Variants in FSHR observed in about 807,000 individuals in gnomAD.
FSHR encodes follicle-stimulating hormone receptor.
FSHR carries 46 observed loss-of-function variants against 52.1 expected under a neutral mutation model. The observed-to-expected ratio is 0.88, with a 90% CI of 0.70 to 1.13. The LOEUF (loss-of-function observed/expected upper bound fraction) is 1.13, where lower values mean the gene tolerates loss of function less well. Among genes scored for constraint, FSHR ranks in the 50% most tolerant of loss-of-function variants. The pLI is 0.00. For missense variants in FSHR, 964 were observed against 834.6 expected, an observed-to-expected ratio of 1.16 and a Z score of -1.91; for synonymous variants, 399 against 309.6, an observed-to-expected ratio of 1.29 and a Z score of -3.03.
intron 8 of FSHR, among the ~76,000 whole-genome samples, chr2:48,973,516 A>G (rs1302379368): frequency 1.3e-5 from 2 of 152,238 alleles, no homozygotes; most frequent in African/African-American, 4.8e-5. Context: ...AACTCCACTG[A>G]GGTCTCCATA....
In FSHR at chr2:49,090,846, C is replaced by G. The variant is rs138896965; in HGVS notation, c.153-22556G>C. Among the ~76,000 whole-genome samples, 697 of 152,144 alleles carry G rather than the reference C, an allele frequency of 4.6e-3. 4 individuals are homozygous for G. Among genetic ancestry groups the G allele is most frequent in the African/African-American group, 0.015 (643 of 41,502 alleles). ...ATCACACTGTGGTTTTAATTAGTTA[C>G]GTAATGGCTACATTGTTTCCTTAGT... On this transcript the variant is annotated intron_variant, in intron 1 of 9. Transcript: ENST00000406846.
At chr2:49,097,376 A>T (rs1054015534) in intron 1 of FSHR, among the ~76,000 whole-genome samples, 1 of 152,098 alleles carries the variant, frequency 6.6e-6, no homozygotes, top group Non-Finnish European at 1.5e-5. Context: ...TGTCATGTTT[A>T]TTATTCTGTT....
At chr2:49,015,300 G>A (rs1177434167) in intron 4 of FSHR, among the ~76,000 whole-genome samples, 3 of 152,124 alleles carry the variant, frequency 2.0e-5, no homozygotes, top group Non-Finnish European at 4.4e-5. Flanking sequence ...CCCTTGCCAA[G>A]CATTTGTAGG....
intron 4 of FSHR, among the ~76,000 whole-genome samples, chr2:48,994,227 G>A (rs1437235131): frequency 6.6e-6 from 1 of 152,164 alleles, no homozygotes; most frequent in Non-Finnish European, 1.5e-5. Flanking sequence ...TATTTGGGTA[G>A]CAACTTCCCC....
chr2:49,087,093 T>TC (rs1670428998), intron 1 of FSHR, among the ~76,000 whole-genome samples: 1 of 148,066 alleles, frequency 6.8e-6, no homozygotes, highest in East Asian at 2.0e-4. Context: ...TTTTTTTTTT[T>TC]TTTTTACAAA....
chr2:49,073,046 A>G (rs1369520834), intron 1 of FSHR, among the ~76,000 whole-genome samples: 2 of 152,118 alleles, frequency 1.3e-5, no homozygotes, highest in Admixed American at 1.3e-4. Context: ...ATAAATTTTC[A>G]TTTTAGAAAT....
intron 1 of FSHR, among the ~76,000 whole-genome samples, chr2:49,129,640 T>C (rs979298995): frequency 1.2e-4 from 19 of 152,170 alleles, no homozygotes; most frequent in African/African-American, 4.6e-4. Flanking sequence ...CATCACTGAC[T>C]GGGGGCTCCA....
At chr2:49,054,621 A>T (rs1314156074) in intron 2 of FSHR, among the ~76,000 whole-genome samples, 3 of 152,154 alleles carry the variant, frequency 2.0e-5, no homozygotes, top group African/African-American at 7.2e-5. Flanking sequence ...CCCCAACCCC[A>T]GTGAGCCAGA....
rs34913428 is a variant in FSHR, at chr2:49,132,968, TAAA to T, written c.152+21295_152+21297del. ...TTCAAGAACATTTATTAAAACTCAG[TAAA>T]AAAAAAAAAAAAAAAAAAAAAAAAG... On this transcript the variant is annotated intron_variant, in intron 1 of 9. Transcript: ENST00000406846. Among the ~76,000 whole-genome samples, 265 of 48,632 alleles carry T rather than the reference TAAA, an allele frequency of 5.4e-3. 1 individual carries two copies. Among genetic ancestry groups the T allele is most frequent in the African/African-American group, 0.017 (201 of 11,766 alleles). The allele number at this position is 48,632 out of a possible 152,430, so 31.9% of individuals were successfully genotyped here. A position where few individuals can be genotyped will look rare whatever the true frequency, so the allele number is the denominator to read the frequency against.
intron 4 of FSHR, among the ~76,000 whole-genome samples, chr2:49,010,708 C>T (rs1355908773): frequency 1.3e-5 from 2 of 151,948 alleles, no homozygotes; most frequent in Non-Finnish European, 2.9e-5. Context: ...ATTTCAGATC[C>T]TGTTATTGGT....
chr2:49,015,076 T>G (rs1667431644), intron 4 of FSHR: 1 of 299,860 alleles, frequency 3.3e-6, no homozygotes, highest in Non-Finnish European at 6.5e-6. Context: ...TTGCAAAGTG[T>G]TTTTTTATTA....
chr2:49,002,803 C>G (rs1356084785), intron 4 of FSHR, among the ~76,000 whole-genome samples: 2 of 152,128 alleles, frequency 1.3e-5, no homozygotes, highest in African/African-American at 4.8e-5. Context: ...CAAGTTCTCA[C>G]AGGCAGGGCC....
chr2:48,972,203 C>G (rs994020724), intron 8 of FSHR, among the ~76,000 whole-genome samples: 2 of 152,180 alleles, frequency 1.3e-5, no homozygotes, highest in Non-Finnish European at 2.9e-5. Context: ...CCTACCTGGA[C>G]TCCTCTCTTT....
chr2:49,122,443 T>G (rs1364200288), intron 1 of FSHR, among the ~76,000 whole-genome samples: 1 of 152,206 alleles, frequency 6.6e-6, no homozygotes, highest in Admixed American at 6.5e-5. Context: ...TACACTTGTC[T>G]CTTGCTCTCA....
chr2:49,069,681 CT>C (rs760712790), intron 1 of FSHR, among the ~76,000 whole-genome samples: 23 of 152,196 alleles, frequency 1.5e-4, no homozygotes, highest in Non-Finnish European at 3.2e-4. Flanking sequence ...ATTGAGCCCT[CT>C]GAAAATTCTA....
At chr2:49,113,416 T>C (rs1671494830) in intron 1 of FSHR, among the ~76,000 whole-genome samples, 1 of 152,194 alleles carries the variant, frequency 6.6e-6, no homozygotes, top group African/African-American at 2.4e-5. Flanking sequence ...TTTAAAAGGA[T>C]GATTATTTAT....
chr2:48,964,000 C>T (rs1278404676), intron 9 of FSHR, 34 bp from the exon 10 acceptor site: 3 of 1,595,320 alleles, frequency 1.9e-6, no homozygotes, highest in Admixed American at 3.3e-5. Flanking sequence ...GAATCAACAT[C>T]TCAGATCCAG....
intron 1 of FSHR, among the ~76,000 whole-genome samples, chr2:49,146,075 G>A (rs1044909992): frequency 6.6e-6 from 1 of 152,004 alleles, no homozygotes; most frequent in East Asian, 1.9e-4. Context: ...CTGGATTTTT[G>A]TTCTGAATTT....
At chr2:49,106,006 G>A (rs1168207438) in intron 1 of FSHR, among the ~76,000 whole-genome samples, 2 of 152,124 alleles carry the variant, frequency 1.3e-5, no homozygotes, top group Admixed American at 1.3e-4. Context: ...TTTCTCCTCT[G>A]TAAAATGGGC....
Sources: allele counts gnomAD v4.1 joint callset (sites outside exome capture counted in the v4.1 genomes callset), GRCh38; gene constraint gnomAD v4.1.1; transcripts MANE v1.5; gene names NCBI Gene and HGNC (gene_info 2026-07-23, HGNC 2026-07-21).